Variants in ZNF670 observed in about 807,000 individuals in gnomAD.
ZNF670 encodes zinc finger protein 670.
A neutral mutation model predicts 10.9 loss-of-function variants in ZNF670; 7 were observed. The observed-to-expected ratio is 0.64, with a 90% CI of 0.36 to 1.20. ZNF670 has a LOEUF of 1.20. Ranked by LOEUF, ZNF670 falls within the 50% of genes most tolerant of loss-of-function variation. ZNF670 has a pLI of 0.02. For synonymous variants in ZNF670, 136 were observed against 152.7 expected, an observed-to-expected ratio of 0.89 and a Z score of 0.81; for missense variants, 446 against 458.6, an observed-to-expected ratio of 0.97 and a Z score of 0.25.
chr1:247,048,325 A>G (rs1670507555), intron 1 of ZNF670, among the ~76,000 whole-genome samples: 1 of 152,226 alleles, frequency 6.6e-6, no homozygotes, highest in Non-Finnish European at 1.5e-5. Context: ...TTGCTAAAGT[A>G]TAGCAAGAGT....
At position 247,078,635 on chromosome 1, in the gene ZNF670, T is replaced by C; in HGVS notation, c.-39A>G. On this transcript the variant is annotated 5_prime_UTR_variant, in exon 1 of 4. Transcript: ENST00000366503. ...GTGTCTGGGGTCCTCCCTAAGGACC[T>C]TCCGGGACCTGCAGGTCCCAGAGCA... 2 of 1,611,904 alleles carry C rather than the reference T, an allele frequency of 1.2e-6. No homozygotes were observed. Among genetic ancestry groups the C allele is most frequent in the Non-Finnish European group, 1.7e-6 (2 of 1,178,692 alleles).
At chr1:247,040,621 T>C (rs532240208) in intron 1 of ZNF670, among the ~76,000 whole-genome samples, 69 of 152,356 alleles carry the variant, frequency 4.5e-4, no homozygotes, top group South Asian at 8.3e-4. Flanking sequence ...AGTATTAATG[T>C]GGAGATAAAC....
intron 1 of ZNF670, among the ~76,000 whole-genome samples, chr1:247,041,318 A>T (rs952134095): frequency 6.6e-6 from 1 of 152,218 alleles, no homozygotes; most frequent in Admixed American, 6.5e-5. Flanking sequence ...GTGGGAAAAA[A>T]CTGTAATACA....
intron 1 of ZNF670, among the ~76,000 whole-genome samples, chr1:247,058,532 A>G (rs1670773495): frequency 6.6e-6 from 1 of 152,196 alleles, no homozygotes; most frequent in African/African-American, 2.4e-5. Context: ...AAACATCAGG[A>G]AAGCTGCAAA....
chr1:247,073,974 G>T (rs1237460084), intron 1 of ZNF670, among the ~76,000 whole-genome samples: 2 of 152,228 alleles, frequency 1.3e-5, no homozygotes, highest in African/African-American at 4.8e-5. Flanking sequence ...AAGAGTTGTA[G>T]AGGACACGGG....
rs992488236 is a variant in ZNF670 at position 247,037,289 on chromosome 1, G to A, written c.*160C>T. The A allele has an allele frequency of 1.2e-6, 1 of 854,660 alleles. No homozygotes were observed. The highest frequency in any genetic ancestry group is 1.7e-6 in the Non-Finnish European group (1 of 604,436). The allele number at this position is 854,660 out of a possible 1,614,324, so 52.9% of individuals were successfully genotyped here. ...GACGGGTCCTTCTAAGTTTTAGAAG[G>A]GAACTAGGAAAATTGCATACATTCT... On this transcript the variant is annotated 3_prime_UTR_variant, in exon 4 of 4. Transcript: ENST00000366503.
At chr1:247,042,984 T>C (rs1386650083) in intron 1 of ZNF670, 2 of 739,550 alleles carry the variant, frequency 2.7e-6, no homozygotes, top group Non-Finnish European at 5.0e-6. Context: ...ACCAGAGTGA[T>C]CTGGAAAAGG....
intron 1 of ZNF670, among the ~76,000 whole-genome samples, chr1:247,063,784 ACAC>A (rs1670920454): frequency 6.6e-6 from 1 of 152,142 alleles, no homozygotes; most frequent in South Asian, 2.1e-4. Context: ...CAAACCCTGC[ACAC>A]CAAGTGAAAA....
intron 1 of ZNF670, among the ~76,000 whole-genome samples, chr1:247,050,226 A>T (rs1407290825): frequency 6.6e-6 from 1 of 152,206 alleles, no homozygotes; most frequent in African/African-American, 2.4e-5. Context: ...TATGGACTTA[A>T]GACTGTGATA....
rs1391411850 is a variant in ZNF670, at chr1:247,037,581, A to G, written c.1038T>C (p.Phe346=). ...PYGCKECGKS[F]TSSSALRSHE... ...GGCTTCGAAGGGCACTGGAAGAAGT[A>G]AACGACTTACCACATTCCTTACATC... The change falls in exon 4 of 4, where the codon TTT becomes TTC. Residue 346 remains phenylalanine, a synonymous_variant. Transcript: ENST00000366503. 1.2e-6 allele frequency: 2 copies of G among 1,613,996 alleles called. No individual in the cohort carries two copies. Among genetic ancestry groups the G allele is most frequent in the Admixed American group, 3.3e-5 (2 of 60,020 alleles).
intron 1 of ZNF670, among the ~76,000 whole-genome samples, chr1:247,067,419 G>C (rs1188592602): frequency 7.6e-6 from 1 of 131,224 alleles, no homozygotes; most frequent in Non-Finnish European, 1.6e-5. Flanking sequence ...CTGGGTGTGA[G>C]AGCAAGATCC....
intron 1 of ZNF670, among the ~76,000 whole-genome samples, chr1:247,068,719 T>G (rs780651723): frequency 6.7e-6 from 1 of 150,326 alleles, no homozygotes; most frequent in Non-Finnish European, 1.5e-5. Flanking sequence ...CCCATGTTTG[T>G]TGCAGTGCTG....
chr1:247,043,581 C>A, intron 1 of ZNF670: 1 of 645,142 alleles, frequency 1.6e-6, no homozygotes, highest in South Asian at 1.4e-5. Flanking sequence ...TCTCACAATT[C>A]ACTTCAGCAT....
chr1:247,072,158 C>CT (rs999859362), intron 1 of ZNF670, among the ~76,000 whole-genome samples: 66 of 139,394 alleles, frequency 4.7e-4, no homozygotes, highest in Middle Eastern at 4.9e-3. Flanking sequence ...CGCCCAGCCA[C>CT]TTTTTTTTTT....
At chr1:247,058,604 A>T (rs1007659247) in intron 1 of ZNF670, among the ~76,000 whole-genome samples, 1 of 151,662 alleles carries the variant, frequency 6.6e-6, no homozygotes, top group Non-Finnish European at 1.5e-5. Context: ...CATCAATATA[A>T]TTGATAAACC....
At chr1:247,072,853 T>TACACACACAC (rs67112261) in intron 1 of ZNF670, among the ~76,000 whole-genome samples, 3,409 of 99,602 alleles carry the variant, frequency 0.034, 327 homozygotes, top group African/African-American at 0.13. Context: ...TACACACACA[T>TACACACACAC]ACACACACAC....
chr1:247,057,085 T>C (rs777053213), intron 1 of ZNF670, among the ~76,000 whole-genome samples: 33 of 152,090 alleles, frequency 2.2e-4, no homozygotes, highest in Non-Finnish European at 4.1e-4. Context: ...AAGAAAATAT[T>C]TGCAAACTAC....
In ZNF670 at chr1:247,039,634, C is replaced by T. The variant is rs1179832945; in HGVS notation, c.4-97G>A. On this transcript the variant is annotated intron_variant, in intron 1 of 3. Coordinates refer to ENST00000366503, the MANE Select transcript of ZNF670 (RefSeq NM_033213.5). Reference sequence around the variant, plus strand: ...TAAAATCGTAACATAATTCTGCAGACTTCAAACATTTCTTCCATGACCTGG... The same window carrying T: ...TAAAATCGTAACATAATTCTGCAGATTTCAAACATTTCTTCCATGACCTGG... The T allele has an allele frequency of 3.1e-6, 4 of 1,300,814 alleles. No homozygotes were observed. In the African/African-American group the frequency reaches 4.6e-5, roughly 15 times the overall value. 80.6% of individuals were successfully genotyped at this position (1,300,814 alleles called of 1,614,324 possible). A position where few individuals can be genotyped will look rare whatever the true frequency, so the allele number is the denominator to read the frequency against.
Position 247,036,736 on chromosome 1 carries a change from G to C in ZNF670, c.*713C>G, listed in dbSNP as rs1670159507. 6.6e-6 allele frequency: 1 copy of C among 151,976 alleles called. No homozygotes were observed. Among genetic ancestry groups the C allele is most frequent in the Non-Finnish European group, 1.5e-5 (1 of 67,964 alleles). The allele number at this position is 151,976 out of a possible 1,614,324, so 9.4% of individuals were successfully genotyped here. ...AAAACTCATGACAGAATAAAGGAAA[G>C]AAAATGAAAATAACAATGTACATGA... On this transcript the variant is annotated 3_prime_UTR_variant, in exon 4 of 4. Transcript: ENST00000366503.
Sources: gnomAD v4.1 joint callset for allele counts (sites outside exome capture counted in the v4.1 genomes callset) on GRCh38, gnomAD v4.1.1 for gene constraint, MANE v1.5 for transcripts, NCBI Gene and HGNC (gene_info 2026-07-23, HGNC 2026-07-21) for gene names.